The following ZNF385D variants were observed in gnomAD, a reference collection of about 807,000 sequenced individuals.
ZNF385D encodes zinc finger protein 385D.
A neutral mutation model predicts 35.8 loss-of-function variants in ZNF385D; 15 were observed. The observed-to-expected ratio is 0.42, with a 90% CI of 0.28 to 0.64. The LOEUF is 0.64. Among genes scored for constraint, ZNF385D ranks in the 30% least tolerant of loss-of-function variants. ZNF385D has a pLI of 0.23. For missense variants in ZNF385D, 474 were observed against 494.6 expected (o/e 0.96, Z 0.39); for synonymous variants, 212 against 186.8 (o/e 1.13, Z -1.10).
intron 2 of ZNF385D, among the ~76,000 whole-genome samples, chr3:22,200,947 G>A (rs1852565): frequency 2.6e-5 from 4 of 152,136 alleles, no homozygotes; most frequent in Non-Finnish European, 5.9e-5. Flanking sequence ...CTTTTTTCAA[G>A]GTGTCCAGAT....
chr3:22,165,333 A>G (rs1219106700), intron 3 of ZNF385D, among the ~76,000 whole-genome samples: 2 of 152,310 alleles, frequency 1.3e-5, no homozygotes, highest in African/African-American at 4.8e-5. Context: ...CTATTAAGAA[A>G]AAAAGCTGAG....
chr3:21,999,637 T>C (rs1398080575), intron 3 of ZNF385D, among the ~76,000 whole-genome samples: 1 of 152,164 alleles, frequency 6.6e-6, no homozygotes, highest in Non-Finnish European at 1.5e-5. Flanking sequence ...TGACACTCAG[T>C]GTTCTTACAC....
rs142752672 is a variant in ZNF385D at position 21,849,044 on chromosome 3, C to T, written c.326-184016G>A. 3.8e-3 allele frequency among the ~76,000 whole-genome samples: 581 copies of T among 152,176 alleles called. 3 individuals carry two copies. Among genetic ancestry groups the T allele is most frequent in the African/African-American group, 0.014 (565 of 41,562 alleles). Reference sequence around the variant, plus strand: ...TGTAAGCACTACTTCTACGTGGTCACTCTCACTATGTCTGAATTACATAAC... The same window carrying T: ...TGTAAGCACTACTTCTACGTGGTCATTCTCACTATGTCTGAATTACATAAC... On this transcript the variant is annotated intron_variant, in intron 3 of 5. Transcript: ENST00000494108.
intron 3 of ZNF385D, among the ~76,000 whole-genome samples, chr3:21,875,440 A>G (rs1221724774): frequency 6.6e-6 from 1 of 152,042 alleles, no homozygotes; most frequent in African/African-American, 2.4e-5. Context: ...TATCTTGAAT[A>G]TTAATCTACA....
At chr3:22,138,452 C>G (rs1704293770) in intron 3 of ZNF385D, among the ~76,000 whole-genome samples, 1 of 152,148 alleles carries the variant, frequency 6.6e-6, no homozygotes, top group African/African-American at 2.4e-5. Context: ...CAGCATGGTA[C>G]TGGTACCAAA....
intron 3 of ZNF385D, among the ~76,000 whole-genome samples, chr3:21,843,796 A>T (rs141741724): frequency 9.1e-4 from 139 of 152,068 alleles, no homozygotes; most frequent in African/African-American, 3.0e-3. Flanking sequence ...GACAGAAACA[A>T]TTCAAAGGGT....
At chr3:21,556,332 C>G (rs2062742178) in intron 3 of ZNF385D, among the ~76,000 whole-genome samples, 1 of 151,990 alleles carries the variant, frequency 6.6e-6, no homozygotes, top group Non-Finnish European at 1.5e-5. Context: ...CCTAGGTTTT[C>G]TTCTAGGGTT....
At chr3:22,311,880 T>C (rs1703573446) in intron 2 of ZNF385D, among the ~76,000 whole-genome samples, 1 of 152,130 alleles carries the variant, frequency 6.6e-6, no homozygotes, top group African/African-American at 2.4e-5. Flanking sequence ...ACACCTACAA[T>C]TTTGTCAAGT....
chr3:22,178,066 G>A (rs528838367), intron 2 of ZNF385D, among the ~76,000 whole-genome samples: 8 of 152,266 alleles, frequency 5.3e-5, no homozygotes, highest in South Asian at 2.1e-4. Context: ...TGTCTTTATA[G>A]CAGCATGATA....
chr3:22,145,994 G>A (rs918401967), intron 3 of ZNF385D, among the ~76,000 whole-genome samples: 1 of 152,140 alleles, frequency 6.6e-6, no homozygotes, highest in Non-Finnish European at 1.5e-5. Flanking sequence ...ATAGAGTCTA[G>A]GTGGTCAGTG....
chr3:21,883,649 G>A (rs564603850), intron 3 of ZNF385D, among the ~76,000 whole-genome samples: 18 of 152,152 alleles, frequency 1.2e-4, no homozygotes, highest in Admixed American at 7.9e-4. Flanking sequence ...TGAGAAATGC[G>A]TTTTGTTGAT....
At chr3:21,936,139 T>C (rs541148040) in intron 3 of ZNF385D, among the ~76,000 whole-genome samples, 18 of 152,122 alleles carry the variant, frequency 1.2e-4, no homozygotes, top group East Asian at 3.9e-4. Context: ...GATAAGAAGA[T>C]AGATCTAAGG....
At chr3:21,958,311 G>C (rs754040034) in intron 3 of ZNF385D, among the ~76,000 whole-genome samples, 2 of 152,072 alleles carry the variant, frequency 1.3e-5, no homozygotes, top group Non-Finnish European at 2.9e-5. Flanking sequence ...AGGAACATGG[G>C]CTTTGCTGTC....
chr3:22,254,575 T>C (rs543458592), intron 2 of ZNF385D, among the ~76,000 whole-genome samples: 14 of 151,976 alleles, frequency 9.2e-5, no homozygotes, highest in African/African-American at 3.1e-4. Context: ...CCCCCTTATC[T>C]ATATTCCAAG....
At chr3:21,492,264 G>C (rs1302354219) in intron 4 of ZNF385D, among the ~76,000 whole-genome samples, 1 of 151,866 alleles carries the variant, frequency 6.6e-6, no homozygotes, top group Non-Finnish European at 1.5e-5. Flanking sequence ...AAAACCAATA[G>C]CTTAAAAATC....
chr3:21,995,782 G>A (rs954173354), intron 3 of ZNF385D, among the ~76,000 whole-genome samples: 1 of 152,036 alleles, frequency 6.6e-6, no homozygotes, highest in African/African-American at 2.4e-5. Flanking sequence ...TCAGGGGCAA[G>A]GAGCCCCTAC....
chr3:21,580,930 T>A (rs747753238), intron 2 of ZNF385D, among the ~76,000 whole-genome samples: 1 of 152,126 alleles, frequency 6.6e-6, no homozygotes, highest in African/African-American at 2.4e-5. Context: ...TTTCTTTTGT[T>A]CTGTGTTTTG....
intron 3 of ZNF385D, among the ~76,000 whole-genome samples, chr3:21,516,883 A>G (rs1707601590): frequency 6.6e-6 from 1 of 152,170 alleles, no homozygotes; most frequent in Non-Finnish European, 1.5e-5. Context: ...AAAAGAAAAA[A>G]TGAATGGTTA....
chr3:22,111,157 TTTTTTTTTTTTTTTTTTTTG>T (rs1277314724), intron 3 of ZNF385D, among the ~76,000 whole-genome samples: 2 of 63,682 alleles, frequency 3.1e-5, no homozygotes, highest in African/African-American at 6.4e-5. Flanking sequence ...GTTGGATTTT[TTTTTTTTTTTTTTTTTTTTG>T]TTTTTTTTGT....
Sources: gnomAD v4.1 joint callset for allele counts (sites outside exome capture counted in the v4.1 genomes callset) on GRCh38, gnomAD v4.1.1 for gene constraint, MANE v1.5 for transcripts, NCBI Gene and HGNC (gene_info 2026-07-23, HGNC 2026-07-21) for gene names.